Variants in STRA6 observed in about 807,000 individuals in gnomAD.
STRA6 encodes signaling receptor and transporter of retinol STRA6.
STRA6 carries 48 observed loss-of-function variants against 83.6 expected under a neutral mutation model. The ratio of observed to expected loss-of-function variants is 0.57; its 90% CI spans 0.46 to 0.73. The LOEUF is 0.73. Ranked by LOEUF, STRA6 falls within the 30% of genes least tolerant of loss-of-function variation. The probability of loss-of-function intolerance (pLI) is 0.00; values close to 1 mark genes in which losing one functional copy is unlikely to be tolerated. For synonymous variants in STRA6, 353 were observed against 362.3 expected, an observed-to-expected ratio of 0.97 and a Z score of 0.29; for missense variants, 760 against 838.8, an observed-to-expected ratio of 0.91 and a Z score of 1.16.
upstream of STRA6, chr15:74,209,263 C>T (rs2074330798): frequency 8.2e-7 from 1 of 1,219,166 alleles, no homozygotes. Context: ...TCTCCTTGGC[C>T]CTCAGAGTCA....
At chr15:74,182,614 A>C (rs2073051780) in intron 14 of STRA6, 154 bp from the exon 15 acceptor site, 2 of 636,858 alleles carry the variant, frequency 3.1e-6, no homozygotes, top group Admixed American at 5.2e-5. Context: ...TGAACAAATC[A>C]CTTTACTTCA....
chr15:74,190,719 G>A (rs755477352), intron 11 of STRA6, 121 bp downstream of exon 11: 1 of 1,462,218 alleles, frequency 6.8e-7, no homozygotes, highest in Non-Finnish European at 9.6e-7. Context: ...ATGGCCTGCA[G>A]CACCTGGTCA....
At chr15:74,183,644 C>T (rs2073099491) in intron 14 of STRA6, 5 of 1,452,990 alleles carry the variant, frequency 3.4e-6, no homozygotes, top group Non-Finnish European at 4.5e-6. Context: ...AGGGTACACA[C>T]TCAATTTCCC....
At chr15:74,202,904 C>T (rs573548788), upstream of STRA6, 1 of 992,540 alleles carries the variant, frequency 1.0e-6, no homozygotes, top group East Asian at 1.1e-4. Context: ...CAAAGCCCCC[C>T]TCCTGGGGGA....
chr15:74,197,047 C>G (rs574026645), intron 4 of STRA6, among the ~76,000 whole-genome samples: 1 of 152,310 alleles, frequency 6.6e-6, no homozygotes, highest in South Asian at 2.1e-4. Context: ...ACATGGAGGG[C>G]TGCCTGAGAA....
In STRA6 at chr15:74,180,064, T is replaced by C. The variant is rs1368606887; in HGVS notation, c.*16A>G. 5.6e-6 allele frequency: 9 copies of C among 1,609,714 alleles called. No individual in the cohort carries two copies. Among genetic ancestry groups the C allele is most frequent in the Non-Finnish European group, 7.6e-6 (9 of 1,176,894 alleles). The stretch of plus-strand genomic sequence containing the variant: ...GCCTCAGCACAGATGGGCAGGTGGG[T>C]TGACCTTCCCTGCCCTCAGGGCTGG... On this transcript the variant is annotated 3_prime_UTR_variant, in exon 19 of 19. Transcript: ENST00000395105.
At chr15:74,194,932 C>T (rs890934313) in intron 7 of STRA6, 25 of 1,423,672 alleles carry the variant, frequency 1.8e-5, no homozygotes, top group African/African-American at 1.0e-4. Flanking sequence ...TCGCACTTGC[C>T]GGCCTCCATC....
chr15:74,195,276 C>G (rs370640983), intron 7 of STRA6, 26 bp downstream of exon 7: 1 of 1,609,796 alleles, frequency 6.2e-7, no homozygotes, highest in African/African-American at 1.3e-5. Context: ...GCCCCTCTGC[C>G]CTAGGCCATT....
intron 13 of STRA6, 110 bp downstream of exon 13, chr15:74,184,870 G>A (rs987153188): frequency 2.6e-5 from 29 of 1,113,852 alleles, no homozygotes; most frequent in Non-Finnish European, 2.3e-5. Context: ...ATGACAGCCC[G>A]GGCCGGCAGA....
chr15:74,211,305 G>A (rs2074365396), upstream of STRA6, among the ~76,000 whole-genome samples: 4 of 151,846 alleles, frequency 2.6e-5, no homozygotes, highest in Admixed American at 2.0e-4. Context: ...CAAATTGCAG[G>A]ATTGGGACAC....
chr15:74,201,074 G>A (rs957035872), intron 2 of STRA6, among the ~76,000 whole-genome samples: 1 of 152,208 alleles, frequency 6.6e-6, no homozygotes, highest in Non-Finnish European at 1.5e-5. Flanking sequence ...CAGGCAAGAT[G>A]AGTGGGGAGC....
Position 74,196,017 on chromosome 15 carries a change from G to T in STRA6, c.397C>A (p.Pro133Thr), listed in dbSNP as rs777007961. The T allele has an allele frequency of 1.2e-6, 2 of 1,613,970 alleles. No homozygotes were observed. Among genetic ancestry groups the T allele is most frequent in the Non-Finnish European group, 8.5e-7 (1 of 1,180,006 alleles). The stretch of plus-strand genomic sequence containing the variant: ...GGGGGTCAGTGGGTACCTTGGCTGG[G>T]TGCTGAGGCGAGAGTCAGGAAGGGC... ...ALPFLTLASA[P>T]SQDGKTEAPR... Residue 133 changes from proline (P) to threonine (T), a missense_variant, in exon 5 of 19, where the codon CCC becomes ACC. By Grantham distance (38) the Pro-to-Thr change is conservative (BLOSUM62 -1). Coordinates refer to ENST00000395105, the MANE Select transcript of STRA6 (RefSeq NM_022369.4).
Position 74,202,177 on chromosome 15 carries a change from C to T in STRA6, c.91G>A (p.Gly31Ser), listed in dbSNP as rs111489755. 1.2e-3 allele frequency: 1,737 copies of T among 1,505,374 alleles called. 12 individuals are homozygous for T. In the African/African-American group the frequency reaches 0.018, roughly 16 times the overall value. 93.3% of individuals were successfully genotyped at this position (1,505,374 alleles called of 1,614,324 possible). The change falls in exon 2 of 19, where the codon GGC (glycine) becomes AGC (serine). Residue 31 changes from glycine (G) to serine (S), a missense_variant. Physicochemically the swap from Gly to Ser is moderately conservative, Grantham distance 56. Transcript: ENST00000395105. Reference protein sequence around the residue: ...GSWYIDEPQGGEELQPEGEVP... With the variant: ...GSWYIDEPQGSEELQPEGEVP... ...TACCCCTCTGGCTGGAGCTCCTCGCCCCCCTGGGGCTCATCGATGTACCAG... is the reference window on the plus strand; with the variant it reads ...TACCCCTCTGGCTGGAGCTCCTCGCTCCCCTGGGGCTCATCGATGTACCAG...
chr15:74,197,169 A>G (rs145132123), intron 4 of STRA6, among the ~76,000 whole-genome samples, 169 bp downstream of exon 4: 8 of 152,084 alleles, frequency 5.3e-5, no homozygotes, highest in African/African-American at 1.2e-4. Flanking sequence ...GGGGGTCCTG[A>G]CTAAACCTGG....
rs776427077 is a variant in STRA6 at position 74,189,274 on chromosome 15, C to T, written c.931G>A (p.Ala311Thr). 3 of 1,593,740 alleles carry T rather than the reference C, an allele frequency of 1.9e-6. No individual in the cohort carries two copies. In the East Asian group the frequency reaches 6.8e-5, roughly 36 times the overall value. The change falls in exon 12 of 19, where the codon GCC (alanine) becomes ACC (threonine). Residue 311 changes from alanine (A) to threonine (T), a missense_variant. Physicochemically the swap from Ala to Thr is moderately conservative, Grantham distance 58 (BLOSUM62 0). Transcript: ENST00000395105. Reference sequence around the variant, plus strand: ...ACCACGCCCACCAGCAGCAGCAGGGCCACCTGGAAGAGCCCCACAGTGAGG... The same window carrying T: ...ACCACGCCCACCAGCAGCAGCAGGGTCACCTGGAAGAGCCCCACAGTGAGG... ...TLTGTAIYQV[A>T]LLLLVGVVPT...
chr15:74,195,439 A>G lies in STRA6; in HGVS notation c.460T>C (p.Tyr154His). 4 of 1,613,678 alleles carry G rather than the reference A, an allele frequency of 2.5e-6. No individual in the cohort carries two copies. The highest frequency in any genetic ancestry group is 3.4e-6 in the Non-Finnish European group (4 of 1,179,976). ...GCCAGAGGGTAGTAGAGGGCAGCAT[A>G]ATAGAACAGTCCCAGTATCTTCCAG... ...GAWKILGLFY[Y>H]AALYYPLAAC... The change falls in exon 7 of 19, where the codon TAT becomes CAT. Residue 154 changes from tyrosine (Y) to histidine (H), a missense_variant. By Grantham distance (83) the Tyr-to-His change is moderately conservative. Coordinates refer to ENST00000395105, the MANE Select transcript of STRA6 (RefSeq NM_022369.4).
At chr15:74,194,444 GA>G (rs1567191214) in intron 7 of STRA6, 5 of 989,778 alleles carry the variant, frequency 5.1e-6, no homozygotes, top group East Asian at 8.5e-5. Flanking sequence ...TCTAGGTGGT[GA>G]AAAAAAGCCA....
At chr15:74,184,077 C>T in intron 13 of STRA6, 88 bp from the exon 14 acceptor site, 1 of 1,573,634 alleles carries the variant, frequency 6.4e-7, no homozygotes, top group Non-Finnish European at 8.6e-7. Context: ...GCCAAACTCC[C>T]AATAGAATTT....
At chr15:74,193,651 C>A in intron 8 of STRA6, 149 bp downstream of exon 8, 2 of 1,371,438 alleles carry the variant, frequency 1.5e-6, no homozygotes, top group South Asian at 2.4e-5. Context: ...GGAGGGAGGA[C>A]TAAGCAGTCA....
Sources: allele counts gnomAD v4.1 joint callset (sites outside exome capture counted in the v4.1 genomes callset), GRCh38; gene constraint gnomAD v4.1.1; transcripts MANE v1.5; gene names NCBI Gene and HGNC (gene_info 2026-07-23, HGNC 2026-07-21).